The following FGF13 variants were observed in gnomAD, a reference collection of about 807,000 sequenced individuals.
FGF13 encodes the protein fibroblast growth factor 13.
FGF13 carries 2 observed loss-of-function variants against 19.5 expected under a neutral mutation model. The ratio of observed to expected loss-of-function variants is 0.10; its 90% CI spans 0.04 to 0.32. FGF13 has a LOEUF of 0.32. Ranked by LOEUF, FGF13 falls within the 10% of genes least tolerant of loss-of-function variation. The pLI is 1.00. For missense variants in FGF13, 113 were observed against 192.7 expected (o/e 0.59, Z 2.45); for synonymous variants, 72 against 76.9 (o/e 0.94, Z 0.33).
intron 1 of FGF13, among the ~76,000 whole-genome samples, chrX:139,130,746 T>C (rs911452638): frequency 1.8e-5 from 2 of 112,245 alleles, no homozygotes; most frequent in Non-Finnish European, 3.8e-5. Context: ...ATAGGGACTT[T>C]CTCTTTTCCC....
chrX:139,204,086 G>A (rs745383020), upstream of FGF13: 22 of 1,209,440 alleles, frequency 1.8e-5, no homozygotes, highest in Admixed American at 4.6e-4. Flanking sequence ...TCCTCTTTGG[G>A]CTTGGTCACC....
chrX:139,084,893 A>G (rs1310629846), intron 1 of FGF13, among the ~76,000 whole-genome samples: 1 of 111,897 alleles, frequency 8.9e-6, no homozygotes, highest in African/African-American at 3.3e-5. Context: ...AATTCACAGT[A>G]ACTCTTAATG....
rs1350392107 is a variant in FGF13, at chrX:138,626,211, A to T, written c.*6639T>A. ...TGATGGAATGAGGCACTGTAGAAAG[A>T]TTGCTCCTTTCCCAGACATCACTTG... On this transcript the variant is annotated 3_prime_UTR_variant, in exon 5 of 5. Transcript: ENST00000315930. 1.8e-5 allele frequency: 2 copies of T among 111,998 alleles called. No homozygotes were observed. Among genetic ancestry groups the T allele is most frequent in the Non-Finnish European group, 3.8e-5 (2 of 53,183 alleles). 9.2% of individuals were successfully genotyped at this position (111,998 alleles called of 1,213,427 possible).
At chrX:138,875,657 C>G (rs2091384615) in intron 1 of FGF13, among the ~76,000 whole-genome samples, 1 of 111,168 alleles carries the variant, frequency 9.0e-6, no homozygotes, top group African/African-American at 3.3e-5. Flanking sequence ...GTGGGCCTCA[C>G]CCAATCAGTT....
At chrX:138,845,930 G>T (rs1267152404) in intron 3 of FGF13, among the ~76,000 whole-genome samples, 1 of 111,331 alleles carries the variant, frequency 9.0e-6, no homozygotes, top group Admixed American at 9.6e-5. Context: ...AATGCCCTTT[G>T]TTCCTTCCTT....
In FGF13 at chrX:139,076,395, C is replaced by T. The variant is rs2083332806; in HGVS notation, c.-113+127021G>A. ...CAATTTGCACTTATTTGGATACTTA[C>T]TTACTTTCAAGAGTATCTGGTTTTC... On this transcript the variant is annotated intron_variant, in intron 1 of 2. Transcript: ENST00000421460. Among the ~76,000 whole-genome samples, 7 of 111,812 alleles carry T rather than the reference C, an allele frequency of 6.3e-5. No individual in the cohort carries two copies. In the Admixed American group the frequency reaches 6.7e-4, roughly 11 times the overall value.
intron 1 of FGF13, among the ~76,000 whole-genome samples, chrX:139,127,706 A>AC (rs1382707644): frequency 9.0e-6 from 1 of 111,417 alleles, no homozygotes; most frequent in African/African-American, 3.3e-5. Context: ...CATGCCAAAT[A>AC]CCCCTTAACT....
intron 3 of FGF13, among the ~76,000 whole-genome samples, chrX:138,845,120 A>G: frequency 1.8e-5 from 2 of 111,355 alleles, no homozygotes; most frequent in South Asian, 7.7e-4. Context: ...GAGCCAACCT[A>G]TAGCCCAAGA....
intron 3 of FGF13, among the ~76,000 whole-genome samples, chrX:138,650,338 A>T (rs1052375985): frequency 4.5e-5 from 5 of 110,517 alleles, no homozygotes; most frequent in African/African-American, 1.6e-4. Flanking sequence ...ACCAATCTCT[A>T]AAAAAAAATG....
In FGF13 at chrX:139,108,364, G is replaced by A. The variant is rs765123486; in HGVS notation, c.-113+95052C>T. Among the ~76,000 whole-genome samples the A allele has an allele frequency of 2.9e-4, 32 of 111,364 alleles. 1 individual carries two copies. Among genetic ancestry groups the A allele is most frequent in the East Asian group, 2.9e-3 (10 of 3,507 alleles). On this transcript the variant is annotated intron_variant, in intron 1 of 2. Coordinates refer to the FGF13 transcript ENST00000421460. ...ATGTCTCGAAACCCCAGCTCTGCCC[G>A]GGCAGCTGACATAGAAGAGTGCTGT...
At chrX:139,138,925 T>TC (rs2095585357) in intron 1 of FGF13, among the ~76,000 whole-genome samples, 1 of 97,988 alleles carries the variant, frequency 1.0e-5, no homozygotes, top group Non-Finnish European at 2.0e-5. Flanking sequence ...TTGTTATTTA[T>TC]CTTTTTTTTT....
intron 3 of FGF13, among the ~76,000 whole-genome samples, chrX:138,813,221 G>C (rs2090939351): frequency 9.0e-6 from 1 of 111,399 alleles, no homozygotes; most frequent in Non-Finnish European, 1.9e-5. Flanking sequence ...GGTATTTCTG[G>C]TTCTAGGTCT....
intron 1 of FGF13, among the ~76,000 whole-genome samples, chrX:138,932,110 G>A (rs1020740917): frequency 9.0e-6 from 1 of 111,343 alleles, no homozygotes. Context: ...GCCATTTACT[G>A]TTCCTGAGAT....
chrX:139,128,972 T>C (rs1188339790), intron 1 of FGF13, among the ~76,000 whole-genome samples: 1 of 109,979 alleles, frequency 9.1e-6, no homozygotes, highest in Non-Finnish European at 1.9e-5. Flanking sequence ...AGCAACACTA[T>C]AATCAGTCTG....
chrX:139,002,397 C>A (rs1361377605), intron 1 of FGF13, among the ~76,000 whole-genome samples: 7 of 111,102 alleles, frequency 6.3e-5, no homozygotes, highest in Admixed American at 3.8e-4. Context: ...AAATATGGAA[C>A]TTTAATAAAT....
At chrX:139,005,652 A>C (rs760303847) in intron 1 of FGF13, among the ~76,000 whole-genome samples, 1 of 110,250 alleles carries the variant, frequency 9.1e-6, no homozygotes, top group African/African-American at 3.3e-5. Flanking sequence ...AGAGAATTCA[A>C]AATAGCTGCT....
chrX:138,848,930 C>T (rs2091203466), intron 3 of FGF13, among the ~76,000 whole-genome samples: 1 of 111,851 alleles, frequency 8.9e-6, no homozygotes, highest in Admixed American at 9.6e-5. Flanking sequence ...ATGAAGGAAG[C>T]AGTGATTTAC....
chrX:138,784,082 G>A (rs1284346088), intron 3 of FGF13, among the ~76,000 whole-genome samples: 7 of 96,808 alleles, frequency 7.2e-5, no homozygotes, highest in South Asian at 5.6e-4. Context: ...ACCAAACACC[G>A]CATGTTCTCA....
At chrX:139,086,079 C>T (rs1274947242) in intron 1 of FGF13, among the ~76,000 whole-genome samples, 1 of 112,183 alleles carries the variant, frequency 8.9e-6, no homozygotes, top group Non-Finnish European at 1.9e-5. Context: ...TTTACTTCTT[C>T]TTTGAACTTA....
Sources: gnomAD v4.1 joint callset for allele counts (sites outside exome capture counted in the v4.1 genomes callset) on GRCh38, gnomAD v4.1.1 for gene constraint, MANE v1.5 for transcripts, NCBI Gene and HGNC (gene_info 2026-07-23, HGNC 2026-07-21) for gene names.